Variants in DSG1 observed in about 807,000 individuals in gnomAD.
The protein encoded by DSG1 is desmoglein-1.
DSG1 carries 39 observed loss-of-function variants against 97.5 expected under a neutral mutation model. That is an observed-to-expected ratio of 0.40 (90% CI 0.31 to 0.52). The LOEUF (loss-of-function observed/expected upper bound fraction) is 0.52. Ranked by LOEUF, DSG1 falls within the 20% of genes least tolerant of loss-of-function variation. DSG1 has a pLI of 0.53. For missense variants in DSG1, 1,311 were observed against 1,295.4 expected (o/e 1.01, Z -0.18); for synonymous variants, 475 against 443.4 (o/e 1.07, Z -0.90).
chr18:31,334,059 C>G lies in DSG1; in HGVS notation c.862C>G (p.Leu288Val), dbSNP rs138330806. The change falls in exon 8 of 15, where the codon CTC becomes GTC. Residue 288 changes from leucine to valine, a missense_variant. This residue lies in a region of DSG1 where 1,038 missense variants were observed against 964.6 expected (regional missense o/e 1.08). Coordinates refer to ENST00000257192, the MANE Select transcript of DSG1 (RefSeq NM_001942.4). ...AGAAAATACTCTAAATTCAAATTTG[C>G]TCGAGATTAGAGTAATTGATTTGGA... ...IQENTLNSNLLEIRVIDLDEE... is the reference protein window; with the variant it reads ...IQENTLNSNLVEIRVIDLDEE... 1 of 1,610,526 alleles carries G rather than the reference C, an allele frequency of 6.2e-7. No individual in the cohort carries two copies. The highest frequency in any genetic ancestry group is 1.3e-5 in the African/African-American group (1 of 74,794).
chr18:31,346,631 C>A (rs1453714245), intron 14 of DSG1, among the ~76,000 whole-genome samples: 1 of 152,116 alleles, frequency 6.6e-6, no homozygotes, highest in Non-Finnish European at 1.5e-5. Flanking sequence ...AAACTCCTAC[C>A]CATCCTTCAA....
At position 31,331,928 on chromosome 18, in the gene DSG1, T is replaced by C. The variant is rs1219039831; in HGVS notation, c.684+61T>C. ...AAGGAACTGATTCTAAAAGCAAGGA[T>C]ACTGAAGAGACAAAGAGATGAAGAA... is the stretch of plus-strand genomic sequence containing the variant. On this transcript the variant is annotated intron_variant, in intron 6 of 14. Transcript: ENST00000257192. The C allele has an allele frequency of 2.0e-6, 3 of 1,508,586 alleles. No individual in the cohort carries two copies. In the Admixed American group the frequency reaches 5.1e-5, roughly 26 times the overall value. The allele number at this position is 1,508,586 out of a possible 1,614,324, so 93.5% of individuals were successfully genotyped here.
chr18:31,347,131 T>C (rs1330963219), intron 14 of DSG1, among the ~76,000 whole-genome samples: 2 of 152,226 alleles, frequency 1.3e-5, no homozygotes, highest in East Asian at 3.8e-4. Context: ...TTTCATTAAC[T>C]AACCTAGTGG....
intron 11 of DSG1, 34 bp downstream of exon 11, chr18:31,340,059 C>T (rs1319119333): frequency 6.3e-7 from 1 of 1,597,488 alleles, no homozygotes; most frequent in East Asian, 2.2e-5. Flanking sequence ...TATATGTGTC[C>T]CCCAAAAAAT....
rs1452035509 is a variant in DSG1 at position 31,339,968 on chromosome 18, G to A, written c.1630G>A (p.Val544Ile). 4 of 1,614,028 alleles carry A rather than the reference G, an allele frequency of 2.5e-6. No individual in the cohort carries two copies. The highest frequency in any genetic ancestry group is 3.4e-6 in the Non-Finnish European group (4 of 1,179,970). The change falls in exon 11 of 15, where the codon GTA (valine) becomes ATA (isoleucine). Residue 544 changes from valine to isoleucine, a missense_variant. Physicochemically the swap from Val to Ile is conservative, Grantham distance 29. This residue lies in a region of DSG1 where 1,038 missense variants were observed against 964.6 expected (regional missense o/e 1.08). Transcript: ENST00000257192. ...NGAKDLLSDN[V>I]HFGPAGIGLL... ...AGCCAAAGATTTGTTATCAGACAAT[G>A]TACATTTTGGTCCTGCTGGCATTGG...
Position 31,355,184 on chromosome 18 carries a change from A to T in DSG1, c.2988A>T (p.Ile996=). The T allele has an allele frequency of 6.2e-7, 1 of 1,603,588 alleles. No homozygotes were observed. Among genetic ancestry groups the T allele is most frequent in the Non-Finnish European group, 8.5e-7 (1 of 1,173,624 alleles). ...AGSGALSGAG[I]SGGGIGLSSL... ...GCGGTGCCCTGAGTGGAGCTGGCAT[A>T]AGTGGTGGTGGCATTGGCCTGAGCA... Residue 996 remains isoleucine, a synonymous_variant, in exon 15 of 15, where the codon ATA becomes ATT. Transcript: ENST00000257192.
At chr18:31,333,473 C>G in intron 6 of DSG1, 116 bp from the exon 7 acceptor site, 1 of 1,237,958 alleles carries the variant, frequency 8.1e-7, no homozygotes, top group Admixed American at 1.7e-5. Flanking sequence ...TGTGTTAACC[C>G]TACCTCTATC....
Position 31,346,000 on chromosome 18 carries a change from A to C in DSG1, c.1902A>C (p.Thr634=). 1.2e-6 allele frequency: 2 copies of C among 1,613,612 alleles called. No individual in the cohort carries two copies. Among genetic ancestry groups the C allele is most frequent in the Non-Finnish European group, 1.7e-6 (2 of 1,179,616 alleles). Residue 634 remains threonine, a synonymous_variant, in exon 14 of 15, where the codon ACA becomes ACC. Coordinates refer to ENST00000257192, the MANE Select transcript of DSG1 (RefSeq NM_001942.4). Reference sequence around the variant, plus strand: ...GATCAACACTTTTAGGAGTTTATACAAATGAGTATGGTGGCAGAGAAATGC... The same window carrying C: ...GATCAACACTTTTAGGAGTTTATACCAATGAGTATGGTGGCAGAGAAATGC... ...IECIDNSGVY[T]NEYGGREMQD...
chr18:31,354,343 A>T lies in DSG1; in HGVS notation c.2147A>T (p.Asp716Val), dbSNP rs1228377501. 1 of 1,614,224 alleles carries T rather than the reference A, an allele frequency of 6.2e-7. No individual in the cohort carries two copies. The highest frequency in any genetic ancestry group is 1.1e-5 in the South Asian group (1 of 91,090). Residue 716 changes from aspartate (D) to valine (V), a missense_variant, in exon 15 of 15, where the codon GAC becomes GTC. By Grantham distance (152) the Asp-to-Val change is radical. This residue lies in a region of DSG1 where 1,038 missense variants were observed against 964.6 expected (regional missense o/e 1.08). Transcript: ENST00000257192. ...ADEDEGRPSN[D>V]CLLIYDIEGV... is the part of the protein sequence containing the mutation. ...GAAGATGAAGGACGCCCATCTAATG[A>T]CTGTTTGCTCATATATGACATCGAA...
chr18:31,338,262 TTTC>T (rs1381682793), intron 9 of DSG1, 50 bp from the exon 10 acceptor site: 42 of 1,559,108 alleles, frequency 2.7e-5, no homozygotes, highest in Non-Finnish European at 3.3e-5. Context: ...TAAATTAAAA[TTTC>T]TTTTTTTAGA....
chr18:31,344,369 A>G (rs1196124306), intron 13 of DSG1, among the ~76,000 whole-genome samples: 3 of 152,232 alleles, frequency 2.0e-5, no homozygotes, highest in Non-Finnish European at 4.4e-5. Context: ...ACTAATTAAA[A>G]TTAAAGTACA....
chr18:31,326,278 G>A (rs899616437), intron 1 of DSG1, among the ~76,000 whole-genome samples: 8 of 151,808 alleles, frequency 5.3e-5, no homozygotes, highest in African/African-American at 1.7e-4. Context: ...TACAAATAAA[G>A]TTTTCATACT....
At chr18:31,327,027 T>C in intron 3 of DSG1, 22 bp downstream of exon 3, 1 of 1,613,182 alleles carries the variant, frequency 6.2e-7, no homozygotes, top group South Asian at 1.1e-5. Flanking sequence ...CTCCAAAGCA[T>C]AACATTGAAA....
Position 31,355,140 on chromosome 18 carries a change from A to T in DSG1, c.2944A>T (p.Thr982Ser). The change falls in exon 15 of 15, where the codon ACC (threonine) becomes TCC (serine). Residue 982 changes from threonine (T) to serine (S), a missense_variant. Around this residue, in one of 3 missense-constraint regions of DSG1, gnomAD observed 1,038 missense variants for 964.6 expected, o/e 1.08. Transcript: ENST00000257192. ...CATAGGCAGCAGTGGCCTGGTTGGC[A>T]CCAGCATGGGTGCTGGGAGCGGTGC... Reference protein sequence around the residue: ...GGIGSSGLVGTSMGAGSGALS... With the variant: ...GGIGSSGLVGSSMGAGSGALS... 1 of 1,612,178 alleles carries T rather than the reference A, an allele frequency of 6.2e-7. No individual in the cohort carries two copies. Among genetic ancestry groups the T allele is most frequent in the Non-Finnish European group, 8.5e-7 (1 of 1,178,600 alleles).
intron 5 of DSG1, 35 bp from the exon 6 acceptor site, chr18:31,331,666 T>C: frequency 6.2e-7 from 1 of 1,600,934 alleles, no homozygotes. Context: ...AAAATGTAAA[T>C]CACCCATTTG....
chr18:31,337,359 C>T (rs2071762523), intron 9 of DSG1, among the ~76,000 whole-genome samples: 1 of 152,068 alleles, frequency 6.6e-6, no homozygotes, highest in African/African-American at 2.4e-5. Context: ...CGGGTTCACG[C>T]GATTCTCCTC....
intron 1 of DSG1, among the ~76,000 whole-genome samples, chr18:31,326,065 T>TATACTTCTCATATTG (rs2071684074): frequency 6.6e-6 from 1 of 152,088 alleles, no homozygotes; most frequent in Non-Finnish European, 1.5e-5. Flanking sequence ...ATTATCTTTT[T>TATACTTCTCATATTG]ATACTTCTCA....
chr18:31,349,300 G>C (rs1244456575), intron 14 of DSG1, among the ~76,000 whole-genome samples: 2 of 140,976 alleles, frequency 1.4e-5, no homozygotes, highest in Non-Finnish European at 3.0e-5. Flanking sequence ...ATTTCTGAGG[G>C]CTCTGTTCTG....
chr18:31,347,851 C>G (rs1311288935), intron 14 of DSG1: 1 of 151,992 alleles, frequency 6.6e-6, no homozygotes, highest in Non-Finnish European at 1.5e-5. Flanking sequence ...CCTGAGTGAA[C>G]CCAACTCAAC....
Sources: gnomAD v4.1 joint callset for allele counts (sites outside exome capture counted in the v4.1 genomes callset) on GRCh38, gnomAD v4.1.1 for gene constraint, gnomAD v4.1.1 regional missense constraint, MANE v1.5 for transcripts, NCBI Gene and HGNC (gene_info 2026-07-23, HGNC 2026-07-21) for gene names.